MACROD2: variants seen among roughly 807,000 people sequenced by gnomAD.
MACROD2 encodes the protein ADP-ribose glycohydrolase MACROD2.
In MACROD2, 36 loss-of-function variants were observed where a neutral mutation model predicts 70.4. That is an observed-to-expected ratio of 0.51 (90% confidence interval 0.39 to 0.68). MACROD2 has a LOEUF of 0.68. Ranked by LOEUF, MACROD2 falls within the 30% of genes least tolerant of loss-of-function variation. The pLI is 0.00. For missense variants in MACROD2, 496 were observed against 538.4 expected (o/e 0.92, Z 0.78); for synonymous variants, 172 against 178.8 (o/e 0.96, Z 0.30).
At chr20:14,429,463 G>C (rs367968434) in intron 3 of MACROD2, among the ~76,000 whole-genome samples, 4 of 152,200 alleles carry the variant, frequency 2.6e-5, no homozygotes, top group Non-Finnish European at 5.9e-5. Flanking sequence ...AATGGAAAGA[G>C]ATCAAGTAAT....
chr20:14,759,110 C>T (rs969516823), intron 5 of MACROD2, among the ~76,000 whole-genome samples: 4 of 152,050 alleles, frequency 2.6e-5, no homozygotes, highest in African/African-American at 7.3e-5. Flanking sequence ...TCATTAATTA[C>T]TGTATAGATT....
intron 7 of MACROD2, among the ~76,000 whole-genome samples, chr20:15,480,251 A>ACC (rs576695494): frequency 6.6e-6 from 1 of 150,876 alleles, no homozygotes; most frequent in African/African-American, 2.4e-5. Context: ...GACTCTAAAC[A>ACC]CCCCCCCTTA....
intron 8 of MACROD2, among the ~76,000 whole-genome samples, chr20:15,539,739 G>T (rs1239438922): frequency 6.6e-6 from 1 of 152,180 alleles, no homozygotes; most frequent in Non-Finnish European, 1.5e-5. Flanking sequence ...TGTTATCCCA[G>T]CACTTTGGGA....
chr20:15,369,481 A>G (rs2045460487), intron 6 of MACROD2, among the ~76,000 whole-genome samples: 1 of 152,004 alleles, frequency 6.6e-6, no homozygotes, highest in Admixed American at 6.5e-5. Context: ...GATTTTAGGG[A>G]AAAATGTTAT....
At chr20:15,703,870 A>G (rs6034268) in intron 8 of MACROD2, among the ~76,000 whole-genome samples, 38,504 of 152,176 alleles carry the variant, frequency 0.25, 5,865 homozygotes, top group African/African-American at 0.43. Context: ...AGAAAAGAAA[A>G]CATAAGCCAC....
intron 4 of MACROD2, among the ~76,000 whole-genome samples, chr20:14,546,362 C>T (rs1394441584): frequency 6.6e-6 from 1 of 152,062 alleles, no homozygotes; most frequent in Admixed American, 6.6e-5. Flanking sequence ...AGAAAGAATC[C>T]TCCAGGAGAA....
intron 8 of MACROD2, among the ~76,000 whole-genome samples, chr20:15,664,060 AT>A (rs1354153626): frequency 1.4e-4 from 22 of 152,230 alleles, no homozygotes; most frequent in African/African-American, 4.8e-4. Context: ...TGTATGATAA[AT>A]CATGAGTGTG....
chr20:14,389,160 G>A (rs2083498740), intron 3 of MACROD2, among the ~76,000 whole-genome samples: 1 of 151,960 alleles, frequency 6.6e-6, no homozygotes, highest in Admixed American at 6.6e-5. Context: ...GATTACAGGC[G>A]TGAGCCACCG....
At chr20:15,326,632 C>A (rs927691982) in intron 6 of MACROD2, among the ~76,000 whole-genome samples, 2 of 152,006 alleles carry the variant, frequency 1.3e-5, no homozygotes, top group Non-Finnish European at 2.9e-5. Flanking sequence ...TGTTGGGTTC[C>A]AGGACTGAAT....
chr20:14,692,338 G>A (rs113306965), intron 5 of MACROD2, among the ~76,000 whole-genome samples: 135 of 152,290 alleles, frequency 8.9e-4, no homozygotes, highest in African/African-American at 2.9e-3. Flanking sequence ...TCACAGATTA[G>A]GGCTTTTTTT....
At chr20:15,599,895 C>A (rs2048796164) in intron 8 of MACROD2, among the ~76,000 whole-genome samples, 3 of 152,150 alleles carry the variant, frequency 2.0e-5, no homozygotes, top group Admixed American at 6.5e-5. Context: ...TTTTCCAGAA[C>A]CCCCTCTAAG....
intron 2 of MACROD2, among the ~76,000 whole-genome samples, chr20:14,068,215 A>G (rs2053791748): frequency 6.6e-6 from 1 of 152,114 alleles, no homozygotes; most frequent in African/African-American, 2.4e-5. Flanking sequence ...TCCAACTTTC[A>G]TGAAGCTTCC....
chr20:14,254,450 G>A (rs1386791155), intron 3 of MACROD2, among the ~76,000 whole-genome samples: 1 of 151,612 alleles, frequency 6.6e-6, no homozygotes, highest in African/African-American at 2.4e-5. Flanking sequence ...GATACAAATA[G>A]GGCCTAGTTT....
chr20:15,011,392 T>C (rs2122934106), intron 5 of MACROD2, among the ~76,000 whole-genome samples: 1 of 152,336 alleles, frequency 6.6e-6, no homozygotes, highest in Non-Finnish European at 1.5e-5. Context: ...TATCTTTGCC[T>C]TTTTAATTGG....
chr20:14,879,266 G>A (rs1222187882), intron 5 of MACROD2, among the ~76,000 whole-genome samples: 1 of 152,104 alleles, frequency 6.6e-6, no homozygotes, highest in Non-Finnish European at 1.5e-5. Context: ...GAAAAAGAAT[G>A]AGTTGATTAT....
At chr20:14,680,242 A>G (rs1420634432) in intron 4 of MACROD2, among the ~76,000 whole-genome samples, 1 of 152,208 alleles carries the variant, frequency 6.6e-6, no homozygotes, top group Non-Finnish European at 1.5e-5. Context: ...ATATGCAGAG[A>G]AAGACTCTAA....
At chr20:15,418,814 G>A (rs2046189851) in intron 6 of MACROD2, among the ~76,000 whole-genome samples, 2 of 152,118 alleles carry the variant, frequency 1.3e-5, no homozygotes, top group South Asian at 2.1e-4. Flanking sequence ...AGTCCCTCCT[G>A]GGTTTTAATC....
chr20:14,426,117 C>T (rs918346808), intron 3 of MACROD2, among the ~76,000 whole-genome samples: 2 of 152,070 alleles, frequency 1.3e-5, no homozygotes, highest in Non-Finnish European at 2.9e-5. Flanking sequence ...CTCATGTTCT[C>T]CCTGGGGAAT....
intron 8 of MACROD2, among the ~76,000 whole-genome samples, chr20:15,618,242 C>T (rs891662368): frequency 1.3e-5 from 2 of 151,868 alleles, no homozygotes; most frequent in Non-Finnish European, 2.9e-5. Context: ...GGACAGTATG[C>T]TTTTTAAATG....
Sources: allele counts gnomAD v4.1 joint callset (sites outside exome capture counted in the v4.1 genomes callset), GRCh38; gene constraint gnomAD v4.1.1; transcripts MANE v1.5; gene names NCBI Gene and HGNC (gene_info 2026-07-23, HGNC 2026-07-21).